Variants in FREM2 observed in about 807,000 individuals in gnomAD.
The protein encoded by FREM2 is FRAS1-related extracellular matrix protein 2.
A neutral mutation model predicts 219.9 loss-of-function variants in FREM2; 119 were observed. The observed-to-expected ratio is 0.54, with a 90% CI of 0.47 to 0.63. The LOEUF (loss-of-function observed/expected upper bound fraction) is 0.63, where lower values mean the gene tolerates loss of function less well. FREM2 is among the 30% of genes least tolerant of loss of function. The pLI, the probability that FREM2 is intolerant of heterozygous loss-of-function variation, is 0.00. For synonymous variants in FREM2, 1,562 were observed against 1,522.8 expected (o/e 1.03, Z -0.60); for missense variants, 4,030 against 3,993.6 (o/e 1.01, Z -0.25).
chr13:38,691,554 C>A lies in FREM2; in HGVS notation c.4210C>A (p.Pro1404Thr). The A allele has an allele frequency of 6.2e-7, 1 of 1,614,114 alleles. No individual in the cohort carries two copies. Among genetic ancestry groups the A allele is most frequent in the Non-Finnish European group, 8.5e-7 (1 of 1,180,030 alleles). The change falls in exon 1 of 24, where the codon CCC (proline) becomes ACC (threonine). Residue 1404 changes from proline (P) to threonine (T), a missense_variant. Physicochemically the swap from Pro to Thr is conservative, Grantham distance 38. Around this residue, in one of 2 missense-constraint regions of FREM2, gnomAD observed 3,102 missense variants for 2,950.7 expected, o/e 1.05. Transcript: ENST00000280481. ...IKFDVTDGINPLIDRYFYVSI... is the reference protein window; with the variant it reads ...IKFDVTDGINTLIDRYFYVSI... ...ATTTGATGTGACTGATGGAATAAAT[C>A]CCCTCATAGATCGTTACTTTTATGT... is the stretch of plus-strand genomic sequence containing the variant.
chr13:38,879,863 T>C (rs1331136413), intron 23 of FREM2, among the ~76,000 whole-genome samples: 1 of 152,174 alleles, frequency 6.6e-6, no homozygotes, highest in East Asian at 1.9e-4. Flanking sequence ...TTATATGCAA[T>C]AAGCAGCAAG....
chr13:38,712,947 C>T (rs1382108266), intron 2 of FREM2, among the ~76,000 whole-genome samples: 1 of 152,156 alleles, frequency 6.6e-6, no homozygotes, highest in Non-Finnish European at 1.5e-5. Context: ...CCATTTCTTT[C>T]AGTGGTATGT....
chr13:38,722,740 G>A (rs1344288738), intron 2 of FREM2, among the ~76,000 whole-genome samples: 4 of 137,382 alleles, frequency 2.9e-5, no homozygotes, highest in African/African-American at 2.9e-5. Context: ...GGTGTAGCTG[G>A]TAACGTTTTT....
intron 6 of FREM2, among the ~76,000 whole-genome samples, chr13:38,835,459 G>A (rs1339687786): frequency 2.6e-5 from 4 of 152,180 alleles, no homozygotes; most frequent in Non-Finnish European, 5.9e-5. Flanking sequence ...TAAATTTAAA[G>A]TAGTTTTTTC....
rs570407921 is a variant in FREM2, at chr13:38,722,441, A to C, written c.5263+24654A>C. On this transcript the variant is annotated intron_variant, in intron 2 of 23. Coordinates refer to ENST00000280481, the MANE Select transcript of FREM2 (RefSeq NM_207361.6). ...AAGACTGAAAAACACTGGATTTAAG[A>C]GAGTAAATCCTTAATCCTGCCTAGA... is the stretch of plus-strand genomic sequence containing the variant. Among the ~76,000 whole-genome samples, 4 of 152,270 alleles carry C rather than the reference A, an allele frequency of 2.6e-5. No homozygotes were observed. The South Asian group carries it at 8.3e-4, about 32-fold the overall frequency.
chr13:38,773,979 A>G (rs1323915325), intron 4 of FREM2, among the ~76,000 whole-genome samples: 2 of 150,568 alleles, frequency 1.3e-5, no homozygotes, highest in East Asian at 3.9e-4. Flanking sequence ...AAATATGTAT[A>G]AAATATATAA....
Position 38,851,807 on chromosome 13 carries a change from G to A in FREM2, c.6864G>A (p.Val2288=). Residue 2288 remains valine (V), a synonymous_variant, in exon 11 of 24, where the codon GTG becomes GTA. Transcript: ENST00000280481. ...GAGACACTTCAAAGGTTTCCATTGT[G>A]AGAGTCCACACCAAGGATGGCTCGG... ...RQGDTSKVSI[V]RVHTKDGSAT... 1 of 1,613,982 alleles carries A rather than the reference G, an allele frequency of 6.2e-7. No individual in the cohort carries two copies. Among genetic ancestry groups the A allele is most frequent in the East Asian group, 2.2e-5 (1 of 44,862 alleles).
Position 38,864,464 on chromosome 13 carries a change from A to G in FREM2, c.7841A>G (p.Tyr2614Cys), listed in dbSNP as rs1397151583. The G allele has an allele frequency of 1.2e-6, 2 of 1,614,064 alleles. No individual in the cohort carries two copies. The change falls in exon 16 of 24, where the codon TAC becomes TGC. Residue 2614 changes from tyrosine to cysteine, a missense_variant. Transcript: ENST00000280481. Reference protein sequence around the residue: ...EIIGETYPYQYSLSIRGSTTL... With the variant: ...EIIGETYPYQCSLSIRGSTTL... ...ATTGGAGAGACATATCCTTACCAGT[A>G]CAGCTTGTCCATCAGAGGTTCCACT...
intron 2 of FREM2, among the ~76,000 whole-genome samples, chr13:38,757,086 A>C (rs866387869): frequency 6.6e-6 from 1 of 152,182 alleles, no homozygotes; most frequent in Admixed American, 6.5e-5. Context: ...GCAGTTTGTA[A>C]ATATGGAATC....
At chr13:38,837,824 C>G (rs180735664) in intron 6 of FREM2, among the ~76,000 whole-genome samples, 26 of 147,138 alleles carry the variant, frequency 1.8e-4, no homozygotes, top group African/African-American at 6.0e-4. Flanking sequence ...AAATATTCCT[C>G]TCTCCCTTTA....
chr13:38,722,213 T>C (rs372896842), intron 2 of FREM2, among the ~76,000 whole-genome samples: 1 of 151,970 alleles, frequency 6.6e-6, no homozygotes, highest in African/African-American at 2.4e-5. Context: ...TGTTAGCCCT[T>C]CCTTTTTAAA....
intron 6 of FREM2, among the ~76,000 whole-genome samples, chr13:38,836,910 T>C (rs929500518): frequency 2.0e-5 from 3 of 152,206 alleles, no homozygotes; most frequent in African/African-American, 7.2e-5. Context: ...CTGGATACAT[T>C]GATTTTTTAA....
At chr13:38,768,358 C>T (rs1873523919) in intron 3 of FREM2, among the ~76,000 whole-genome samples, 1 of 152,184 alleles carries the variant, frequency 6.6e-6, no homozygotes, top group Non-Finnish European at 1.5e-5. Flanking sequence ...CAACTCACTA[C>T]AGTCTTGACC....
intron 6 of FREM2, among the ~76,000 whole-genome samples, chr13:38,806,343 C>G (rs1260837954): frequency 6.6e-6 from 1 of 151,928 alleles, no homozygotes; most frequent in Admixed American, 6.6e-5. Context: ...TTTGAGCTTC[C>G]TGAAGCTGGA....
intron 2 of FREM2, among the ~76,000 whole-genome samples, chr13:38,715,308 A>G (rs1041971185): frequency 7.9e-5 from 12 of 152,228 alleles, no homozygotes; most frequent in Admixed American, 6.5e-4. Context: ...GTGACGTACC[A>G]AAAGAAATAA....
intron 4 of FREM2, among the ~76,000 whole-genome samples, chr13:38,774,110 C>G (rs2137819921): frequency 6.6e-6 from 1 of 151,954 alleles, no homozygotes; most frequent in African/African-American, 2.4e-5. Flanking sequence ...ATCCCAAATC[C>G]TAATTAATCA....
At chr13:38,789,388 G>T (rs1489467785) in intron 6 of FREM2, among the ~76,000 whole-genome samples, 1 of 151,442 alleles carries the variant, frequency 6.6e-6, no homozygotes, top group African/African-American at 2.4e-5. Context: ...ATTCTTAAAA[G>T]TCTCTATTGC....
At chr13:38,879,059 T>C in intron 23 of FREM2, 82 bp downstream of exon 23, 2 of 1,245,716 alleles carry the variant, frequency 1.6e-6, no homozygotes, top group Non-Finnish European at 2.4e-6. Flanking sequence ...AGATGTCTCA[T>C]ATGTAAATAG....
intron 6 of FREM2, among the ~76,000 whole-genome samples, chr13:38,817,450 A>G (rs189704910): frequency 1.3e-5 from 2 of 152,288 alleles, no homozygotes; most frequent in African/African-American, 2.4e-5. Flanking sequence ...TGTACCAAAA[A>G]TACATGTTGG....
Sources: gnomAD v4.1 joint callset for allele counts (sites outside exome capture counted in the v4.1 genomes callset) on GRCh38, gnomAD v4.1.1 for gene constraint, gnomAD v4.1.1 regional missense constraint, MANE v1.5 for transcripts, NCBI Gene and HGNC (gene_info 2026-07-23, HGNC 2026-07-21) for gene names.